Variants in MACROD2 observed in about 807,000 individuals in gnomAD.
MACROD2 encodes the protein ADP-ribose glycohydrolase MACROD2.
A neutral mutation model predicts 70.4 loss-of-function variants in MACROD2; 36 were observed. The ratio of observed to expected loss-of-function variants is 0.51; its 90% CI spans 0.39 to 0.68. The LOEUF (loss-of-function observed/expected upper bound fraction) is 0.68, where lower values mean the gene tolerates loss of function less well. Among genes scored for constraint, MACROD2 ranks in the 30% least tolerant of loss-of-function variants. The pLI is 0.00. For synonymous variants in MACROD2, 172 were observed against 178.8 expected, an observed-to-expected ratio of 0.96 and a Z score of 0.30; for missense variants, 496 against 538.4, an observed-to-expected ratio of 0.92 and a Z score of 0.78.
intron 4 of MACROD2, among the ~76,000 whole-genome samples, chr20:14,619,894 A>G (rs1339402850): frequency 6.6e-6 from 1 of 152,154 alleles, no homozygotes; most frequent in African/African-American, 2.4e-5. Flanking sequence ...TATTCAGCCA[A>G]TAGAGCCTCC....
rs544674276 is a variant in MACROD2, at chr20:15,724,308, A to C, written c.646-138437A>C. 1.4e-4 allele frequency among the ~76,000 whole-genome samples: 22 copies of C among 152,284 alleles called. 1 individual carries two copies. In the South Asian group the frequency reaches 4.3e-3, roughly 30 times the overall value. On this transcript the variant is annotated intron_variant, in intron 8 of 17. Transcript: ENST00000684519. ...AGCTTATCAATTACTTATTTCATGG[A>C]TTATGCCTTTGGTGTTGTATCTGAT...
intron 3 of MACROD2, among the ~76,000 whole-genome samples, chr20:14,230,227 T>C (rs1368824888): frequency 1.3e-5 from 2 of 152,082 alleles, no homozygotes; most frequent in Admixed American, 6.5e-5. Flanking sequence ...TCCTTTCAAT[T>C]TCTCTGTAGC....
chr20:14,269,180 T>C (rs2082169498), intron 3 of MACROD2, among the ~76,000 whole-genome samples: 1 of 152,168 alleles, frequency 6.6e-6, no homozygotes, highest in African/African-American at 2.4e-5. Flanking sequence ...CCTTCATAAA[T>C]TGGCTTAGAT....
intron 8 of MACROD2, among the ~76,000 whole-genome samples, chr20:15,829,491 C>G (rs916986041): frequency 3.9e-5 from 6 of 152,126 alleles, no homozygotes; most frequent in Admixed American, 1.3e-4. Context: ...GTAATGACAA[C>G]TGTGATCTCC....
chr20:15,684,347 A>T (rs573413778), intron 8 of MACROD2, among the ~76,000 whole-genome samples: 2 of 152,358 alleles, frequency 1.3e-5, no homozygotes, highest in East Asian at 3.9e-4. Flanking sequence ...AGGTTGAATC[A>T]GATAGTGCAA....
At chr20:15,903,457 G>A (rs2065096235) in intron 10 of MACROD2, among the ~76,000 whole-genome samples, 2 of 152,154 alleles carry the variant, frequency 1.3e-5, no homozygotes, top group Admixed American at 6.5e-5. Flanking sequence ...AACTGGAGAG[G>A]TCACTGGAGG....
At chr20:15,066,034 G>A (rs1002260904) in intron 5 of MACROD2, among the ~76,000 whole-genome samples, 2 of 152,074 alleles carry the variant, frequency 1.3e-5, no homozygotes, top group Non-Finnish European at 2.9e-5. Context: ...TATTCTATCC[G>A]GTGGCTACCT....
chr20:14,829,759 G>T (rs1014966789), intron 5 of MACROD2, among the ~76,000 whole-genome samples: 83 of 152,100 alleles, frequency 5.5e-4, no homozygotes, highest in African/African-American at 1.7e-3. Context: ...ATTATTTTTT[G>T]ATTAACAGAA....
intron 5 of MACROD2, among the ~76,000 whole-genome samples, chr20:14,814,497 A>G (rs149656111): frequency 2.8e-4 from 43 of 152,204 alleles, no homozygotes; most frequent in African/African-American, 9.4e-4. Flanking sequence ...GGATATGTGA[A>G]TAGTAGATCG....
At chr20:14,907,768 G>A (rs1208856399) in intron 5 of MACROD2, among the ~76,000 whole-genome samples, 1 of 152,092 alleles carries the variant, frequency 6.6e-6, no homozygotes, top group Admixed American at 6.5e-5. Context: ...ATGATAAAGG[G>A]CTTTTCATGT....
intron 5 of MACROD2, among the ~76,000 whole-genome samples, chr20:15,219,286 G>C (rs990698681): frequency 6.6e-6 from 1 of 152,172 alleles, no homozygotes; most frequent in Non-Finnish European, 1.5e-5. Flanking sequence ...TTTGAAAATA[G>C]CTCTAGTGCA....
chr20:15,993,476 A>T (rs2066587053), intron 15 of MACROD2, among the ~76,000 whole-genome samples: 1 of 152,118 alleles, frequency 6.6e-6, no homozygotes, highest in South Asian at 2.1e-4. Flanking sequence ...ATAACCTAAG[A>T]GCAATAGACT....
intron 3 of MACROD2, among the ~76,000 whole-genome samples, chr20:14,431,506 A>G (rs934298643): frequency 6.6e-6 from 1 of 152,212 alleles, no homozygotes; most frequent in Non-Finnish European, 1.5e-5. Context: ...AATCATTTAC[A>G]TAATATCCAT....
chr20:14,690,523 T>G (rs537922674), intron 5 of MACROD2, among the ~76,000 whole-genome samples: 2 of 152,364 alleles, frequency 1.3e-5, no homozygotes, highest in East Asian at 3.9e-4. Context: ...CAGTAGCTCA[T>G]CAGTCCTTTT....
intron 3 of MACROD2, among the ~76,000 whole-genome samples, chr20:14,413,308 T>C (rs1416887328): frequency 6.6e-6 from 1 of 150,396 alleles, no homozygotes; most frequent in Non-Finnish European, 1.5e-5. Context: ...GAATATCATA[T>C]ATAAAGTTGC....
At chr20:15,159,802 A>G (rs1777452937) in intron 5 of MACROD2, among the ~76,000 whole-genome samples, 1 of 151,968 alleles carries the variant, frequency 6.6e-6, no homozygotes, top group African/African-American at 2.4e-5. Context: ...AATATGCACT[A>G]TTAGCCTAGT....
intron 3 of MACROD2, among the ~76,000 whole-genome samples, chr20:14,393,551 C>T (rs1032741888): frequency 1.4e-4 from 21 of 152,156 alleles, no homozygotes; most frequent in South Asian, 6.2e-4. Context: ...CTCTTTCAGA[C>T]TCAGATCATC....
At chr20:15,753,196 T>C (rs2051298663) in intron 8 of MACROD2, among the ~76,000 whole-genome samples, 1 of 152,192 alleles carries the variant, frequency 6.6e-6, no homozygotes, top group Non-Finnish European at 1.5e-5. Context: ...CATTGCATGA[T>C]GCTGACGTCT....
intron 5 of MACROD2, among the ~76,000 whole-genome samples, chr20:14,787,388 C>G (rs1600663825): frequency 6.6e-6 from 1 of 152,100 alleles, no homozygotes. Context: ...GATCATGCAG[C>G]CTTTTTCCTC....
Sources: gnomAD v4.1 joint callset for allele counts (sites outside exome capture counted in the v4.1 genomes callset) on GRCh38, gnomAD v4.1.1 for gene constraint, MANE v1.5 for transcripts, NCBI Gene and HGNC (gene_info 2026-07-23, HGNC 2026-07-21) for gene names.